The following AFF3 variants were observed in gnomAD, a reference collection of about 807,000 sequenced individuals.
AFF3 encodes AF4/FMR2 family member 3.
In AFF3, 32 loss-of-function variants were observed where a neutral mutation model predicts 129.7. The ratio of observed to expected loss-of-function variants is 0.25; its 90% CI spans 0.19 to 0.33. AFF3 has a LOEUF of 0.33. Ranked by LOEUF, AFF3 falls within the 10% of genes least tolerant of loss-of-function variation. The probability of loss-of-function intolerance (pLI) is 1.00; values close to 1 mark genes in which losing one functional copy is unlikely to be tolerated. For missense variants in AFF3, 1,373 were observed against 1,592.0 expected (o/e 0.86, Z 2.34); for synonymous variants, 644 against 635.4 (o/e 1.01, Z -0.20).
At chr2:99,804,126 AAAT>A (rs1686164399) in intron 8 of AFF3, among the ~76,000 whole-genome samples, 1 of 152,246 alleles carries the variant, frequency 6.6e-6, no homozygotes, top group Admixed American at 6.5e-5. Context: ...ATAGCAAAAG[AAAT>A]AATCATCAGA....
intron 11 of AFF3, among the ~76,000 whole-genome samples, chr2:99,686,345 T>C (rs1675057181): frequency 6.6e-6 from 1 of 152,158 alleles, no homozygotes; most frequent in South Asian, 2.1e-4. Flanking sequence ...GAAGTTGAGT[T>C]TACCTTTGAA....
chr2:100,017,043 TGAC>T (rs1180121771), intron 4 of AFF3, among the ~76,000 whole-genome samples: 1 of 151,858 alleles, frequency 6.6e-6, no homozygotes, highest in Admixed American at 6.6e-5. Context: ...GTGGTGATGA[TGAC>T]GATGCTGGTG....
At chr2:99,569,997 T>G (rs1355260686) in intron 18 of AFF3, among the ~76,000 whole-genome samples, 1 of 152,222 alleles carries the variant, frequency 6.6e-6, no homozygotes, top group Non-Finnish European at 1.5e-5. Flanking sequence ...TGTGTGACAA[T>G]GACATTGCAT....
intron 10 of AFF3, among the ~76,000 whole-genome samples, chr2:99,729,112 G>A (rs1046060070): frequency 3.3e-5 from 5 of 152,202 alleles, no homozygotes; most frequent in East Asian, 1.9e-4. Flanking sequence ...ACTTTCCCCA[G>A]TCTCTAGCCT....
At chr2:100,122,291 A>T (rs1692013059) in intron 2 of AFF3, among the ~76,000 whole-genome samples, 1 of 152,084 alleles carries the variant, frequency 6.6e-6, no homozygotes, top group South Asian at 2.1e-4. Flanking sequence ...GCACAATGGG[A>T]TATTATTTAC....
At chr2:100,065,842 A>T (rs924478502) in intron 4 of AFF3, among the ~76,000 whole-genome samples, 16 of 152,218 alleles carry the variant, frequency 1.1e-4, no homozygotes, top group Non-Finnish European at 2.2e-4. Context: ...TTGGTCTTTT[A>T]TGTCACTTAT....
chr2:99,938,150 A>C (rs890595957), intron 7 of AFF3, among the ~76,000 whole-genome samples: 1 of 152,218 alleles, frequency 6.6e-6, no homozygotes. Context: ...GTAACTGCTC[A>C]AAAAACAGTA....
At chr2:99,606,798 C>T (rs986451704) in intron 13 of AFF3, among the ~76,000 whole-genome samples, 1 of 151,316 alleles carries the variant, frequency 6.6e-6, no homozygotes, top group Non-Finnish European at 1.5e-5. Flanking sequence ...CCTGTAGTCC[C>T]AGCTACTCAG....
intron 4 of AFF3, among the ~76,000 whole-genome samples, chr2:100,025,879 G>A (rs537316802): frequency 8.5e-5 from 13 of 152,110 alleles, no homozygotes; most frequent in East Asian, 1.9e-4. Context: ...CTCATCTCTC[G>A]CCTTATACAA....
intron 12 of AFF3, among the ~76,000 whole-genome samples, chr2:99,658,706 G>GT (rs1189907990): frequency 2.0e-4 from 31 of 152,338 alleles, no homozygotes; most frequent in African/African-American, 7.5e-4. Context: ...CTCAGAGCCA[G>GT]TAAGTAAAGG....
intron 4 of AFF3, among the ~76,000 whole-genome samples, chr2:100,009,528 C>T (rs918588609): frequency 2.9e-4 from 44 of 152,230 alleles, no homozygotes; most frequent in African/African-American, 9.4e-4. Flanking sequence ...ATCACTCCTC[C>T]TAACTATGAA....
intron 13 of AFF3, among the ~76,000 whole-genome samples, chr2:99,640,247 A>C (rs1684066771): frequency 6.6e-6 from 1 of 152,202 alleles, no homozygotes; most frequent in South Asian, 2.1e-4. Context: ...GAATTGCTTC[A>C]GACATTAAAC....
At chr2:100,088,345 A>T (rs1689609530) in intron 4 of AFF3, among the ~76,000 whole-genome samples, 1 of 152,224 alleles carries the variant, frequency 6.6e-6, no homozygotes, top group South Asian at 2.1e-4. Flanking sequence ...CAAAATCAAT[A>T]TATAAAAAAG....
At chr2:99,859,476 T>C (rs1160338842) in intron 7 of AFF3, among the ~76,000 whole-genome samples, 3 of 152,206 alleles carry the variant, frequency 2.0e-5, no homozygotes, top group Non-Finnish European at 4.4e-5. Flanking sequence ...GAAATTCTTA[T>C]ATTACAACCA....
intron 13 of AFF3, among the ~76,000 whole-genome samples, chr2:99,602,284 T>A (rs912166881): frequency 1.4e-4 from 22 of 152,184 alleles, no homozygotes; most frequent in African/African-American, 5.1e-4. Flanking sequence ...CCTAGAGAAC[T>A]GAAGATCCCT....
chr2:99,849,812 G>A (rs1366168350), intron 7 of AFF3, among the ~76,000 whole-genome samples: 2 of 152,182 alleles, frequency 1.3e-5, no homozygotes, highest in African/African-American at 4.8e-5. Flanking sequence ...TTCCCAGTGG[G>A]TAGAAGGAAA....
chr2:100,045,590 T>TA (rs1450783834), intron 4 of AFF3, among the ~76,000 whole-genome samples: 1 of 151,694 alleles, frequency 6.6e-6, no homozygotes, highest in Non-Finnish European at 1.5e-5. Flanking sequence ...TGATAAAAGT[T>TA]ACAGCAAATG....
At chr2:99,671,587 A>G (rs1197379454) in intron 12 of AFF3, among the ~76,000 whole-genome samples, 6 of 152,158 alleles carry the variant, frequency 3.9e-5, no homozygotes, top group African/African-American at 1.2e-4. Context: ...GCATGTCTAG[A>G]CAGCAAATCA....
intron 1 of AFF3, among the ~76,000 whole-genome samples, chr2:100,141,661 A>G (rs1025959858): frequency 7.2e-5 from 11 of 152,226 alleles, no homozygotes; most frequent in Admixed American, 6.5e-4. Context: ...TTTCATTTTT[A>G]TATATGTGAG....
Sources: gnomAD v4.1 joint callset for allele counts (sites outside exome capture counted in the v4.1 genomes callset) on GRCh38, gnomAD v4.1.1 for gene constraint, MANE v1.5 for transcripts, NCBI Gene and HGNC (gene_info 2026-07-23, HGNC 2026-07-21) for gene names.